The following NBAS variants were observed in gnomAD, a reference collection of about 807,000 sequenced individuals.
The protein encoded by NBAS is NAG/BC035112 fusion.
Under a neutral mutation model 302.5 loss-of-function variants are expected in NBAS, and 219 were observed. The ratio of observed to expected loss-of-function variants is 0.72; its 90% confidence interval spans 0.65 to 0.81. The LOEUF is 0.81. Among genes scored for constraint, NBAS ranks in the 30% least tolerant of loss-of-function variants. The pLI is 0.00. For synonymous variants in NBAS, 1,118 were observed against 1,021.6 expected (o/e 1.09, Z -1.80); for missense variants, 2,932 against 2,841.6 (o/e 1.03, Z -0.72).
At chr2:15,342,866 A>T (rs1672919316) in intron 35 of NBAS, among the ~76,000 whole-genome samples, 1 of 152,036 alleles carries the variant, frequency 6.6e-6, no homozygotes, top group African/African-American at 2.4e-5. Context: ...TTAAAATTAA[A>T]GCTTGCATTA....
At chr2:14,842,024 T>C in the NBAS span, among the ~76,000 whole-genome samples, 6 of 151,868 alleles carry the variant, frequency 4.0e-5, no homozygotes, top group Non-Finnish European at 7.4e-5. Flanking sequence ...TAGAAATCAA[T>C]AATGAGAGCA....
At chr2:15,070,276 G>A in the NBAS span, among the ~76,000 whole-genome samples, 1 of 152,144 alleles carries the variant, frequency 6.6e-6, no homozygotes, top group Non-Finnish European at 1.5e-5. Flanking sequence ...TGCCCCTAAT[G>A]TGGCCTTGAG....
intron 47 of NBAS, among the ~76,000 whole-genome samples, chr2:15,222,876 T>C (rs1489878288): frequency 6.6e-6 from 1 of 152,230 alleles, no homozygotes; most frequent in Admixed American, 6.5e-5. Flanking sequence ...ATTTTTCAAG[T>C]TATTAAATCA....
At chr2:15,544,361 G>C (rs547682825) in intron 6 of NBAS, among the ~76,000 whole-genome samples, 1 of 152,146 alleles carries the variant, frequency 6.6e-6, no homozygotes, top group Admixed American at 6.5e-5. Context: ...AAATGGTGAA[G>C]GGAGGGAGGA....
chr2:14,786,273 C>A, the NBAS span, among the ~76,000 whole-genome samples: 1 of 152,030 alleles, frequency 6.6e-6, no homozygotes, highest in Admixed American at 6.5e-5. Context: ...AAAAAACCAG[C>A]TCCTGGATTC....
At position 15,353,561 on chromosome 2, in the gene NBAS, G is replaced by C. The variant is rs772270925; in HGVS notation, c.4081C>G (p.Gln1361Glu). 3 of 1,613,862 alleles carry C rather than the reference G, an allele frequency of 1.9e-6. No individual in the cohort carries two copies. Among genetic ancestry groups the C allele is most frequent in the Non-Finnish European group, 2.5e-6 (3 of 1,179,932 alleles). Reference sequence around the variant, plus strand: ...TTTATCGAAGGACTTACTTCTGTCTGCAGAGAGCTGCTAGCTGCCAAAAGA... The same window carrying C: ...TTTATCGAAGGACTTACTTCTGTCTCCAGAGAGCTGCTAGCTGCCAAAAGA... ...ELLLAASSSL[Q>E]TEILYQRVNF... is the part of the protein sequence containing the mutation. The change falls in exon 34 of 52, where the codon CAG becomes GAG. Residue 1361 changes from glutamine to glutamate, a missense_variant. Coordinates refer to ENST00000281513, the MANE Select transcript of NBAS (RefSeq NM_015909.4).
intron 12 of NBAS, among the ~76,000 whole-genome samples, chr2:15,485,911 GA>G (rs148021621): frequency 3.5e-4 from 52 of 147,518 alleles, no homozygotes; most frequent in Middle Eastern, 3.5e-3. Context: ...GGTTTTAAAG[GA>G]AAAAAAAAAG....
the NBAS span, among the ~76,000 whole-genome samples, chr2:15,058,485 C>T: frequency 2.6e-5 from 4 of 152,150 alleles, no homozygotes; most frequent in Non-Finnish European, 4.4e-5. Flanking sequence ...ATATTTCTAC[C>T]ACATGATTGA....
At chr2:14,963,843 G>A in the NBAS span, among the ~76,000 whole-genome samples, 2 of 152,154 alleles carry the variant, frequency 1.3e-5, no homozygotes, top group Non-Finnish European at 2.9e-5. Context: ...AATCCTAGTT[G>A]TGAGTAGGAC....
the NBAS span, among the ~76,000 whole-genome samples, chr2:14,785,317 C>A: frequency 1.3e-5 from 2 of 151,826 alleles, no homozygotes; most frequent in Non-Finnish European, 2.9e-5. Context: ...TTATTTCCTT[C>A]TCCTGCCTAA....
In NBAS at chr2:15,373,044, T is replaced by C. The variant is rs575174727; in HGVS notation, c.3703+1564A>G. 3.9e-5 allele frequency among the ~76,000 whole-genome samples: 6 copies of C among 152,278 alleles called. 1 individual carries two copies. In the South Asian group the frequency reaches 1.2e-3, roughly 32 times the overall value. On this transcript the variant is annotated intron_variant, in intron 31 of 51. Transcript: ENST00000281513. The stretch of plus-strand genomic sequence containing the variant: ...AAACAGAGCAAAGGTTTCATAGTGC[T>C]CTGGATTCTTCCTTGACTAAAATTG...
intron 10 of NBAS, among the ~76,000 whole-genome samples, chr2:15,510,538 T>C (rs1475914738): frequency 1.3e-5 from 2 of 152,186 alleles, no homozygotes; most frequent in Non-Finnish European, 2.9e-5. Flanking sequence ...GGAAAAAATA[T>C]GTATATGATA....
chr2:15,399,466 T>C (rs1049513194), intron 26 of NBAS, among the ~76,000 whole-genome samples: 1 of 152,204 alleles, frequency 6.6e-6, no homozygotes, highest in African/African-American at 2.4e-5. Context: ...CTATCTAGTT[T>C]ACCTGCCTTT....
chr2:15,021,840 G>C, the NBAS span, among the ~76,000 whole-genome samples: 8 of 152,202 alleles, frequency 5.3e-5, no homozygotes, highest in Non-Finnish European at 1.0e-4. Flanking sequence ...CATGCAGAAA[G>C]AGAAAACATT....
At chr2:15,098,290 T>TTG in the NBAS span, among the ~76,000 whole-genome samples, 1,402 of 3,358 alleles carry the variant, frequency 0.42, 665 homozygotes, top group Middle Eastern at 1. Context: ...ATAATATATA[T>TTG]TATATACAAT....
At chr2:15,121,529 A>T in the NBAS span, among the ~76,000 whole-genome samples, 2 of 152,192 alleles carry the variant, frequency 1.3e-5, no homozygotes, top group Non-Finnish European at 2.9e-5. Flanking sequence ...CCGAGGATGG[A>T]ATTCAGGCAT....
intron 21 of NBAS, among the ~76,000 whole-genome samples, chr2:15,434,997 C>G (rs537336677): frequency 6.6e-6 from 1 of 152,278 alleles, no homozygotes; most frequent in African/African-American, 2.4e-5. Context: ...TGAAGACAAG[C>G]AGACCCTGAC....
chr2:15,451,735 A>G (rs1221913735), intron 21 of NBAS, among the ~76,000 whole-genome samples: 1 of 152,180 alleles, frequency 6.6e-6, no homozygotes, highest in Non-Finnish European at 1.5e-5. Flanking sequence ...CCACAAGAGT[A>G]AAATAAAGTA....
At chr2:14,966,337 A>G in the NBAS span, among the ~76,000 whole-genome samples, 1 of 152,206 alleles carries the variant, frequency 6.6e-6, no homozygotes, top group African/African-American at 2.4e-5. Context: ...AAAATCAATT[A>G]ATGTAATCTA....
Sources: allele counts gnomAD v4.1 joint callset (sites outside exome capture counted in the v4.1 genomes callset), GRCh38; gene constraint gnomAD v4.1.1; transcripts MANE v1.5; gene names NCBI Gene and HGNC (gene_info 2026-07-23, HGNC 2026-07-21).